The following SNX13 variants were observed in gnomAD, a reference collection of about 807,000 sequenced individuals.
SNX13 encodes sorting nexin 13.
Under a neutral mutation model 133.6 loss-of-function variants are expected in SNX13, and 45 were observed. The ratio of observed to expected loss-of-function variants is 0.34; its 90% CI spans 0.27 to 0.43. The LOEUF (loss-of-function observed/expected upper bound fraction) is 0.43. Among genes scored for constraint, SNX13 ranks in the 20% least tolerant of loss-of-function variants. The pLI is 1.00. For missense variants in SNX13, 1,032 were observed against 1,145.1 expected (o/e 0.90, Z 1.43); for synonymous variants, 414 against 373.9 (o/e 1.11, Z -1.24).
At chr7:17,853,761 G>A (rs547529131) in intron 9 of SNX13, among the ~76,000 whole-genome samples, 105 of 152,216 alleles carry the variant, frequency 6.9e-4, no homozygotes, top group Non-Finnish European at 1.3e-3. Flanking sequence ...GGCCAAAATG[G>A]TGAAACCCCG....
intron 9 of SNX13, among the ~76,000 whole-genome samples, chr7:17,861,266 G>T (rs1252334346): frequency 5.3e-5 from 8 of 151,778 alleles, no homozygotes; most frequent in Non-Finnish European, 1.2e-4. Flanking sequence ...CCCCGCCCCT[G>T]CCAGAAATGT....
At chr7:17,816,469 C>T (rs1004130210) in intron 18 of SNX13, among the ~76,000 whole-genome samples, 180 bp from the exon 19 acceptor site, 15 of 152,154 alleles carry the variant, frequency 9.9e-5, no homozygotes, top group African/African-American at 3.6e-4. Flanking sequence ...TGAGATCAGC[C>T]TGACCAACAT....
intron 15 of SNX13, chr7:17,832,250 T>C (rs1788582615): frequency 3.0e-6 from 3 of 984,236 alleles, no homozygotes; most frequent in Admixed American, 6.2e-5. Flanking sequence ...AGACTGCTTA[T>C]AGTTTGCTTC....
intron 20 of SNX13, among the ~76,000 whole-genome samples, chr7:17,811,323 G>A (rs994273770): frequency 2.0e-5 from 3 of 152,166 alleles, no homozygotes; most frequent in African/African-American, 4.8e-5. Flanking sequence ...CAAAATCAAT[G>A]TGCAAAAATC....
chr7:17,854,327 C>G (rs141310839), intron 9 of SNX13, among the ~76,000 whole-genome samples: 1 of 152,162 alleles, frequency 6.6e-6, no homozygotes, highest in Non-Finnish European at 1.5e-5. Context: ...AAAGAGGACA[C>G]TAATTCCTAG....
intron 1 of SNX13, among the ~76,000 whole-genome samples, chr7:17,933,001 T>C (rs1260458730): frequency 2.0e-5 from 3 of 152,200 alleles, no homozygotes; most frequent in African/African-American, 4.8e-5. Context: ...CTAGAACTTA[T>C]CAGCATGTGC....
chr7:17,852,818 T>C (rs1448667166), intron 9 of SNX13, among the ~76,000 whole-genome samples: 1 of 152,206 alleles, frequency 6.6e-6, no homozygotes, highest in Non-Finnish European at 1.5e-5. Context: ...TTGGTTACAA[T>C]GCTCACATAA....
chr7:17,853,379 G>C (rs746797199), intron 9 of SNX13, among the ~76,000 whole-genome samples: 2 of 152,136 alleles, frequency 1.3e-5, no homozygotes, highest in Non-Finnish European at 1.5e-5. Flanking sequence ...AATAGACTTC[G>C]GATGTTATCT....
intron 1 of SNX13, among the ~76,000 whole-genome samples, chr7:17,927,157 T>A (rs1800839691): frequency 6.6e-6 from 1 of 150,930 alleles, no homozygotes; most frequent in Non-Finnish European, 1.5e-5. Context: ...ATATATACAT[T>A]ACATATATGT....
At chr7:17,915,294 C>T (rs547377310) in intron 1 of SNX13, among the ~76,000 whole-genome samples, 1 of 152,328 alleles carries the variant, frequency 6.6e-6, no homozygotes, top group African/African-American at 2.4e-5. Flanking sequence ...GAATACTCTG[C>T]AGCTGCATTC....
intron 1 of SNX13, among the ~76,000 whole-genome samples, 178 bp from the exon 2 acceptor site, chr7:17,897,624 T>C (rs953146407): frequency 3.3e-5 from 5 of 152,072 alleles, no homozygotes. Context: ...CAAAACAATA[T>C]ACAAAATTTA....
At chr7:17,841,583 C>CACAA in intron 12 of SNX13, among the ~76,000 whole-genome samples, 1 of 150,468 alleles carries the variant, frequency 6.6e-6, no homozygotes, top group African/African-American at 2.4e-5. Context: ...CACACACACA[C>CACAA]GCACACACAC....
chr7:17,877,795 GTAGGAAAAA>G (rs1278420260), intron 5 of SNX13, among the ~76,000 whole-genome samples: 2 of 152,000 alleles, frequency 1.3e-5, no homozygotes, highest in East Asian at 3.9e-4. Flanking sequence ...TATGTTGAGG[GTAGGAAAAA>G]TAGGAAAAAC....
intron 1 of SNX13, among the ~76,000 whole-genome samples, chr7:17,930,648 G>C (rs1226777312): frequency 2.0e-5 from 3 of 152,116 alleles, no homozygotes; most frequent in Admixed American, 1.3e-4. Context: ...CTCACTATTT[G>C]GAAAGTATAT....
chr7:17,880,556 TC>T (rs1795222657), intron 5 of SNX13: 2 of 152,130 alleles, frequency 1.3e-5, no homozygotes, highest in Non-Finnish European at 2.9e-5. Flanking sequence ...GGAGGTGGGG[TC>T]CAGGTATCAC....
At position 17,793,374 on chromosome 7, in the gene SNX13, A is replaced by G. The variant is rs1400503112; in HGVS notation, c.*671T>C. On this transcript the variant is annotated 3_prime_UTR_variant, in exon 26 of 26. Transcript: ENST00000428135. ...AAAACACAGCCCTTAAAGCACACATAAGAATAAAAATTGTTGTATACCAAT... is the reference window on the plus strand; with the variant it reads ...AAAACACAGCCCTTAAAGCACACATGAGAATAAAAATTGTTGTATACCAAT... 1 of 152,048 alleles carries G rather than the reference A, an allele frequency of 6.6e-6. No homozygotes were observed. Among genetic ancestry groups the G allele is most frequent in the Admixed American group, 6.6e-5 (1 of 15,216 alleles). 9.4% of individuals were successfully genotyped at this position (152,048 alleles called of 1,614,324 possible).
intron 12 of SNX13, among the ~76,000 whole-genome samples, chr7:17,842,335 T>C (rs1335135756): frequency 6.6e-6 from 1 of 152,098 alleles, no homozygotes; most frequent in Non-Finnish European, 1.5e-5. Context: ...AGAAAAATAC[T>C]GTCAACCAAG....
intron 1 of SNX13, among the ~76,000 whole-genome samples, chr7:17,924,218 T>C (rs986850845): frequency 6.6e-6 from 1 of 152,146 alleles, no homozygotes; most frequent in Non-Finnish European, 1.5e-5. Context: ...GAGAAAATAT[T>C]TGCAAATCAT....
At chr7:17,799,946 T>C (rs1017963402) in intron 22 of SNX13, among the ~76,000 whole-genome samples, 2 of 151,822 alleles carry the variant, frequency 1.3e-5, no homozygotes, top group East Asian at 3.8e-4. Flanking sequence ...GTAATTTAAA[T>C]ACTGGCAAGA....
Sources: gnomAD v4.1 joint callset for allele counts (sites outside exome capture counted in the v4.1 genomes callset) on GRCh38, gnomAD v4.1.1 for gene constraint, MANE v1.5 for transcripts, NCBI Gene and HGNC (gene_info 2026-07-23, HGNC 2026-07-21) for gene names.